Variants in AGBL1 observed in about 807,000 individuals in gnomAD.
The protein encoded by AGBL1 is AGBL carboxypeptidase 1, also known as cytosolic carboxypeptidase 4.
AGBL1 carries 130 observed loss-of-function variants against 118.9 expected under a neutral mutation model. That is an observed-to-expected ratio of 1.09 (90% CI 0.95 to 1.26). AGBL1 has a LOEUF of 1.26. AGBL1 is among the 50% of genes most tolerant of loss of function. The pLI is 0.00. For synonymous variants in AGBL1, 555 were observed against 478.9 expected (o/e 1.16, Z -2.08); for missense variants, 1,584 against 1,298.1 (o/e 1.22, Z -3.38).
At chr15:86,807,571 C>A (rs1044259361) in intron 22 of AGBL1, among the ~76,000 whole-genome samples, 1 of 151,988 alleles carries the variant, frequency 6.6e-6, no homozygotes, top group South Asian at 2.1e-4. Context: ...AGAGGCCATG[C>A]AGCCTATAGG....
intron 18 of AGBL1, among the ~76,000 whole-genome samples, chr15:86,430,331 C>T (rs2081919761): frequency 6.6e-6 from 1 of 151,804 alleles, no homozygotes; most frequent in South Asian, 2.1e-4. Context: ...CCCATCTCTA[C>T]TAAAATACAA....
chr15:86,384,907 A>T, intron 17 of AGBL1, among the ~76,000 whole-genome samples: 1 of 152,056 alleles, frequency 6.6e-6, no homozygotes, highest in South Asian at 2.1e-4. Context: ...AGGGGAAAAA[A>T]CCTTATTCTG....
rs1177467066 is a variant in AGBL1, at chr15:86,908,305, C to T, written c.*1011C>T. On this transcript the variant is annotated 3_prime_UTR_variant, in exon 23 of 23. Coordinates refer to ENST00000614907, the MANE Select transcript of AGBL1 (RefSeq NM_001386094.1). Reference sequence around the variant, plus strand: ...CTGACAGTTAAGAAAAAATTCTCACCAGCCTGGACAACATGATGAAACCCT... The same window carrying T: ...CTGACAGTTAAGAAAAAATTCTCACTAGCCTGGACAACATGATGAAACCCT... 4 of 152,042 alleles carry T rather than the reference C, an allele frequency of 2.6e-5. No individual in the cohort carries two copies. The highest frequency in any genetic ancestry group is 9.7e-5 in the African/African-American group (4 of 41,400). The allele number at this position is 152,042 out of a possible 1,614,324, so 9.4% of individuals were successfully genotyped here. A position where few individuals can be genotyped will look rare whatever the true frequency, so the allele number is the denominator to read the frequency against.
Position 86,901,006 on chromosome 15 carries a change from C to T in AGBL1, c.3159-6081C>T, listed in dbSNP as rs568258629. On this transcript the variant is annotated intron_variant, in intron 22 of 22. Transcript: ENST00000614907. ...AAACCTCACTTTTTAATGTTTTCCT[C>T]ATTTTTTAATCCCCATATTCTTCAT... Among the ~76,000 whole-genome samples, 34 of 152,230 alleles carry T rather than the reference C, an allele frequency of 2.2e-4. No homozygotes were observed. The South Asian group carries it at 7.1e-3, about 32-fold the overall frequency.
chr15:86,414,878 G>A (rs2081668710), intron 18 of AGBL1, among the ~76,000 whole-genome samples: 1 of 152,120 alleles, frequency 6.6e-6, no homozygotes, highest in Admixed American at 6.6e-5. Flanking sequence ...TATTGCTTGG[G>A]TTTGCCATTT....
chr15:86,413,722 T>G (rs898655991), intron 18 of AGBL1, among the ~76,000 whole-genome samples: 2 of 152,146 alleles, frequency 1.3e-5, no homozygotes, highest in African/African-American at 4.8e-5. Flanking sequence ...ATGGGGTTAT[T>G]TATTTATTTT....
chr15:86,248,358 G>A (rs2141994277), intron 7 of AGBL1, among the ~76,000 whole-genome samples: 1 of 152,242 alleles, frequency 6.6e-6, no homozygotes, highest in East Asian at 1.9e-4. Context: ...CATTCCATTG[G>A]TTCATTCATA....
At chr15:86,531,856 A>C (rs1381214471) in intron 19 of AGBL1, among the ~76,000 whole-genome samples, 1 of 147,026 alleles carries the variant, frequency 6.8e-6, no homozygotes, top group Non-Finnish European at 1.5e-5. Context: ...TCAAAGACAA[A>C]AACCACATGA....
chr15:86,387,795 C>G (rs750178230), intron 17 of AGBL1, among the ~76,000 whole-genome samples: 2 of 152,212 alleles, frequency 1.3e-5, no homozygotes, highest in Non-Finnish European at 2.9e-5. Context: ...ATCAGAATCT[C>G]TGTTCCCCGC....
chr15:86,904,510 A>G (rs1420392377), intron 22 of AGBL1, among the ~76,000 whole-genome samples: 1 of 150,012 alleles, frequency 6.7e-6, no homozygotes, highest in Non-Finnish European at 1.5e-5. Flanking sequence ...ATAAAATTAA[A>G]TGATTTTGAG....
chr15:86,349,512 G>A (rs1204680009), intron 17 of AGBL1, among the ~76,000 whole-genome samples: 2 of 152,094 alleles, frequency 1.3e-5, no homozygotes, highest in South Asian at 4.1e-4. Context: ...TTGTGTGTTG[G>A]TATGTCAAGT....
At chr15:86,335,413 C>T (rs148093988) in intron 17 of AGBL1, among the ~76,000 whole-genome samples, 3,442 of 152,284 alleles carry the variant, frequency 0.023, 60 homozygotes, top group Non-Finnish European at 0.034. Context: ...GCTGGGATTA[C>T]AGGTGTGACC....
intron 21 of AGBL1, among the ~76,000 whole-genome samples, chr15:86,584,510 A>T (rs995741368): frequency 1.3e-5 from 2 of 151,976 alleles, no homozygotes; most frequent in South Asian, 2.1e-4. Context: ...GTGTGACTTT[A>T]TTCTCAGTTT....
At chr15:86,428,483 A>C (rs1002112537) in intron 18 of AGBL1, among the ~76,000 whole-genome samples, 2 of 152,226 alleles carry the variant, frequency 1.3e-5, no homozygotes, top group African/African-American at 4.8e-5. Context: ...CCATAATCAG[A>C]AATAATCTAT....
chr15:86,473,293 C>A (rs1456515773), intron 18 of AGBL1, among the ~76,000 whole-genome samples: 1 of 152,152 alleles, frequency 6.6e-6, no homozygotes, highest in Non-Finnish European at 1.5e-5. Context: ...GGCCCCCTCC[C>A]AGGGCCATTC....
At chr15:86,267,421 G>A (rs191680292) in intron 13 of AGBL1, among the ~76,000 whole-genome samples, 2 of 152,318 alleles carry the variant, frequency 1.3e-5, no homozygotes, top group East Asian at 3.9e-4. Context: ...TGACTGGGAT[G>A]TTTATACTTT....
chr15:86,896,102 G>T (rs146318132), intron 22 of AGBL1, among the ~76,000 whole-genome samples: 1 of 151,854 alleles, frequency 6.6e-6, no homozygotes, highest in Admixed American at 6.6e-5. Flanking sequence ...TAGAGAAAAG[G>T]CTGTTTAATA....
At chr15:86,827,464 TATATAC>T (rs2079039673) in intron 22 of AGBL1, among the ~76,000 whole-genome samples, 1 of 10,676 alleles carries the variant, frequency 9.4e-5, no homozygotes, top group African/African-American at 8.4e-4. Context: ...TATATATATA[TATATAC>T]ATATATATAT....
intron 18 of AGBL1, among the ~76,000 whole-genome samples, chr15:86,450,920 T>C (rs545377936): frequency 1.3e-5 from 2 of 152,344 alleles, no homozygotes; most frequent in Non-Finnish European, 1.5e-5. Context: ...ACTATCCTTA[T>C]AATATTCCAG....
Sources: allele counts gnomAD v4.1 joint callset (sites outside exome capture counted in the v4.1 genomes callset), GRCh38; gene constraint gnomAD v4.1.1; transcripts MANE v1.5; gene names NCBI Gene and HGNC (gene_info 2026-07-23, HGNC 2026-07-21).